FITM2: variants seen among roughly 807,000 people sequenced by gnomAD.
FITM2 encodes the protein fat storage inducing transmembrane protein 2.
A neutral mutation model predicts 23.3 loss-of-function variants in FITM2; 16 were observed. That is an observed-to-expected ratio of 0.69 (90% CI 0.47 to 1.05). The LOEUF (loss-of-function observed/expected upper bound fraction) is 1.05, where lower values mean the gene tolerates loss of function less well. Ranked by LOEUF, FITM2 falls within the 50% of genes least tolerant of loss-of-function variation. FITM2 has a pLI of 0.00. For missense variants in FITM2, 273 were observed against 327.5 expected (o/e 0.83, Z 1.29); for synonymous variants, 132 against 142.0 (o/e 0.93, Z 0.50).
At chr20:44,308,317 A>G (rs1428780771) in intron 1 of FITM2, among the ~76,000 whole-genome samples, 1 of 152,192 alleles carries the variant, frequency 6.6e-6, no homozygotes, top group Non-Finnish European at 1.5e-5. Context: ...ACCAAATGCC[A>G]GGAGCTTTCA....
At chr20:44,309,400 GA>G (rs1435574937) in intron 1 of FITM2, among the ~76,000 whole-genome samples, 1 of 152,066 alleles carries the variant, frequency 6.6e-6, no homozygotes, top group African/African-American at 2.4e-5. Context: ...GGCTGGTCTT[GA>G]ACTCCTGACC....
At chr20:44,307,414 CTTTATTTATTTA>C (rs574367544) in intron 1 of FITM2, among the ~76,000 whole-genome samples, 174 bp from the exon 2 acceptor site, 22 of 151,882 alleles carry the variant, frequency 1.4e-4, no homozygotes, top group African/African-American at 5.3e-4. Context: ...TTACTAAGTA[CTTTATTTATTTA>C]TTTATTTATT....
In FITM2 at chr20:44,311,068, G is replaced by C. The variant is rs753762137; in HGVS notation, c.81C>G (p.Ala27=). ...AGCCCGCCAGCATGGAGGCCACCAG[G>C]GCCCAGGGCAGGTAGCGCCGCACGG... ...RAAVRRYLPW[A]LVASMLAGSL... The change falls in exon 1 of 2, where the codon GCC becomes GCG. Residue 27 remains alanine (A), a synonymous_variant. Transcript: ENST00000396825. The C allele has an allele frequency of 1.9e-6, 3 of 1,611,634 alleles. No individual in the cohort carries two copies. The highest frequency in any genetic ancestry group is 4.5e-5 in the East Asian group (2 of 44,698).
At position 44,304,579 on chromosome 20, in the gene FITM2, G is replaced by A. The variant is rs1223646767; in HGVS notation, c.*2046C>T. On this transcript the variant is annotated 3_prime_UTR_variant, in exon 2 of 2. Coordinates refer to ENST00000396825, the MANE Select transcript of FITM2 (RefSeq NM_001080472.4). Reference sequence around the variant, plus strand: ...GTTTGGTTGGTGATGCAAGTAACAGGAGGGAGGGACCACAGCCATGCCACC... The same window carrying A: ...GTTTGGTTGGTGATGCAAGTAACAGAAGGGAGGGACCACAGCCATGCCACC... The A allele has an allele frequency of 6.6e-6, 1 of 152,226 alleles. No individual in the cohort carries two copies. The highest frequency in any genetic ancestry group is 1.5e-5 in the Non-Finnish European group (1 of 68,056). The allele number at this position is 152,226 out of a possible 1,614,324, so 9.4% of individuals were successfully genotyped here.
Position 44,306,897 on chromosome 20 carries a change from G to A in FITM2, c.517C>T (p.Leu173=). ...ALMIVEEMSV[L]HEVKTDRSHC... Reference sequence around the variant, plus strand: ...CTTCGGTCCGTCTTCACCTCATGCAGCACAGACATCTCTTCTACAATCATG... The same window carrying A: ...CTTCGGTCCGTCTTCACCTCATGCAACACAGACATCTCTTCTACAATCATG... The change falls in exon 2 of 2, where the codon CTG becomes TTG. Residue 173 remains leucine (L), a synonymous_variant. Coordinates refer to ENST00000396825, the MANE Select transcript of FITM2 (RefSeq NM_001080472.4). The A allele has an allele frequency of 6.2e-7, 1 of 1,614,196 alleles. No homozygotes were observed. Among genetic ancestry groups the A allele is most frequent in the Non-Finnish European group, 8.5e-7 (1 of 1,180,046 alleles).
At chr20:44,307,363 A>C (rs2146090357) in intron 1 of FITM2, 123 bp from the exon 2 acceptor site, 1,256 of 1,135,502 alleles carry the variant, frequency 1.1e-3, no homozygotes, top group Non-Finnish European at 1.4e-3. Flanking sequence ...GCTACAGCTC[A>C]TAGCAACTAT....
rs147674068 is a variant in FITM2 at position 44,306,134 on chromosome 20, G to A, written c.*491C>T. On this transcript the variant is annotated 3_prime_UTR_variant, in exon 2 of 2. Transcript: ENST00000396825. Reference sequence around the variant, plus strand: ...TCGAACTCCCAATCTCAGGTGATCCGCCTGCCTCGGCCTCCCAAAGTGCAG... The same window carrying A: ...TCGAACTCCCAATCTCAGGTGATCCACCTGCCTCGGCCTCCCAAAGTGCAG... The A allele has an allele frequency of 0.014, 2,273 of 160,470 alleles. 38 individuals carry two copies. The highest frequency in any genetic ancestry group is 0.041 in the East Asian group (226 of 5,546). 9.9% of individuals were successfully genotyped at this position (160,470 alleles called of 1,614,324 possible).
At chr20:44,308,381 A>G (rs2062696384) in intron 1 of FITM2, among the ~76,000 whole-genome samples, 1 of 152,162 alleles carries the variant, frequency 6.6e-6, no homozygotes, top group African/African-American at 2.4e-5. Context: ...GGAAGGTGCC[A>G]TTGTTCCATT....
chr20:44,308,582 C>T (rs1048879172), intron 1 of FITM2, among the ~76,000 whole-genome samples: 2 of 152,194 alleles, frequency 1.3e-5, no homozygotes, highest in African/African-American at 4.8e-5. Flanking sequence ...GTCCCCCAGG[C>T]TTGCGTGCAG....
At chr20:44,308,004 A>G (rs531769609) in intron 1 of FITM2, among the ~76,000 whole-genome samples, 42 of 151,832 alleles carry the variant, frequency 2.8e-4, no homozygotes, top group Non-Finnish European at 5.3e-4. Flanking sequence ...GGAGAATGGC[A>G]TGAACCCGGG....
In FITM2 at chr20:44,306,401, C is replaced by A; in HGVS notation, c.*224G>T. 1 of 508,446 alleles carries A rather than the reference C, an allele frequency of 2.0e-6. No individual in the cohort carries two copies. The highest frequency in any genetic ancestry group is 3.5e-6 in the Non-Finnish European group (1 of 289,516). The allele number at this position is 508,446 out of a possible 1,614,324, so 31.5% of individuals were successfully genotyped here. On this transcript the variant is annotated 3_prime_UTR_variant, in exon 2 of 2. Transcript: ENST00000396825. Reference sequence around the variant, plus strand: ...GATAAAGGTCAAGTCTTACCAGGGACAAAAAGTGCCTAACTGGGAATGGTG... The same window carrying A: ...GATAAAGGTCAAGTCTTACCAGGGAAAAAAAGTGCCTAACTGGGAATGGTG...
At position 44,303,630 on chromosome 20, in the gene FITM2, CT is replaced by C. The variant is rs199814618; in HGVS notation, c.*2994del. 3,401 of 142,862 alleles carry C rather than the reference CT, an allele frequency of 0.024. 67 individuals are homozygous for C. Among genetic ancestry groups the C allele is most frequent in the African/African-American group, 0.055 (2,153 of 39,200 alleles). The allele number at this position is 142,862 out of a possible 1,614,324, so 8.8% of individuals were successfully genotyped here. A position where few individuals can be genotyped will look rare whatever the true frequency, so the allele number is the denominator to read the frequency against. ...TGCTGAACATGACACTTTGGAGAGCCTTTTTTTTTTTTGAGACAGAGTCTCA... is the reference window on the plus strand; with the variant it reads ...TGCTGAACATGACACTTTGGAGAGCCTTTTTTTTTTTGAGACAGAGTCTCA... On this transcript the variant is annotated 3_prime_UTR_variant, in exon 2 of 2. Transcript: ENST00000396825.
chr20:44,306,942 G>A lies in FITM2; in HGVS notation c.472C>T (p.Leu158=), dbSNP rs765314173. 7 of 1,614,100 alleles carry A rather than the reference G, an allele frequency of 4.3e-6. No individual in the cohort carries two copies. The highest frequency in any genetic ancestry group is 5.9e-6 in the Non-Finnish European group (7 of 1,180,050). Residue 158 remains leucine (L), a synonymous_variant, in exon 2 of 2, where the codon CTG becomes TTG. Transcript: ENST00000396825. ...ATCATGAGGGCGCAGAAGGTCAGCA[G>A]GAAGGAGTGACCTGAGATGTCAAAG... ...HGFDISGHSF[L]LTFCALMIVE...
At chr20:44,310,834 C>A in intron 1 of FITM2, 142 bp downstream of exon 1, 1 of 1,191,860 alleles carries the variant, frequency 8.4e-7, no homozygotes, top group Non-Finnish European at 1.2e-6. Flanking sequence ...GCGTGACACG[C>A]GTGCAGATGC....
In FITM2 at chr20:44,306,932, A is replaced by T; in HGVS notation, c.482T>A (p.Phe161Tyr). The part of the protein sequence containing the change: ...DISGHSFLLT[F>Y]CALMIVEEMS... ...CTCTTCTACAATCATGAGGGCGCAGAAGGTCAGCAGGAAGGAGTGACCTGA... is the reference window on the plus strand; with the variant it reads ...CTCTTCTACAATCATGAGGGCGCAGTAGGTCAGCAGGAAGGAGTGACCTGA... The change falls in exon 2 of 2, where the codon TTC (phenylalanine) becomes TAC (tyrosine). Residue 161 changes from phenylalanine to tyrosine, a missense_variant. By Grantham distance (22) the Phe-to-Tyr change is conservative. Around this residue, in one of 3 missense-constraint regions of FITM2, gnomAD observed 117 missense variants for 183.3 expected, o/e 0.64. Transcript: ENST00000396825. 1 of 1,614,206 alleles carries T rather than the reference A, an allele frequency of 6.2e-7. No individual in the cohort carries two copies. The highest frequency in any genetic ancestry group is 8.5e-7 in the Non-Finnish European group (1 of 1,180,036).
chr20:44,308,655 C>A (rs992226561), intron 1 of FITM2, among the ~76,000 whole-genome samples: 3 of 152,186 alleles, frequency 2.0e-5, no homozygotes, highest in Admixed American at 6.5e-5. Flanking sequence ...CCTGCCTCAG[C>A]CTCACAAATA....
rs1350578676 is a variant in FITM2, at chr20:44,307,210, C to T, written c.204G>A (p.Thr68=). Residue 68 remains threonine, a synonymous_variant, in exon 2 of 2, where the codon ACG becomes ACA. Coordinates refer to ENST00000396825, the MANE Select transcript of FITM2 (RefSeq NM_001080472.4). ...VYFVKVAWAW[T]FCLLLPFIAL... ...CAATGAAAGGCAGAAGGAGACAGAA[C>T]GTCCAGGCCCAGGCCACTTTGACAA... is the stretch of plus-strand genomic sequence containing the variant. 6 of 1,614,108 alleles carry T rather than the reference C, an allele frequency of 3.7e-6. No individual in the cohort carries two copies. The highest frequency in any genetic ancestry group is 5.1e-6 in the Non-Finnish European group (6 of 1,180,012).
Position 44,306,883 on chromosome 20 carries a change from C to T in FITM2, c.531G>A (p.Lys177=), listed in dbSNP as rs778641354. ...TGTGGAGGCAGTGGCTTCGGTCCGT[C>T]TTCACCTCATGCAGCACAGACATCT... The part of the protein sequence containing the change: ...VEEMSVLHEV[K]TDRSHCLHTA... Residue 177 remains lysine (K), a synonymous_variant, in exon 2 of 2, where the codon AAG becomes AAA. Transcript: ENST00000396825. 2 of 1,614,180 alleles carry T rather than the reference C, an allele frequency of 1.2e-6. No individual in the cohort carries two copies. The highest frequency in any genetic ancestry group is 8.5e-7 in the Non-Finnish European group (1 of 1,180,026).
In FITM2 at chr20:44,306,683, G is replaced by A. The variant is rs369188569; in HGVS notation, c.731C>T (p.Pro244Leu). The change falls in exon 2 of 2, where the codon CCA becomes CTA. Residue 244 changes from proline (P) to leucine (L), a missense_variant. By Grantham distance (98) the Pro-to-Leu change is moderately conservative (BLOSUM62 -3). Around this residue, in one of 3 missense-constraint regions of FITM2, gnomAD observed 33 missense variants for 26.3 expected, o/e 1.25. Transcript: ENST00000396825. ...YGFWYPKAFS[P>L]GLPPQSCSLN... ...ACTACAGCTCTGGGGAGGAAGTCCT[G>A]GGGAAAAGGCTTTCGGATACCAAAA... 8 of 1,613,954 alleles carry A rather than the reference G, an allele frequency of 5.0e-6. No individual in the cohort carries two copies. The highest frequency in any genetic ancestry group is 6.8e-6 in the Non-Finnish European group (8 of 1,180,052).
Sources: allele counts gnomAD v4.1 joint callset (sites outside exome capture counted in the v4.1 genomes callset), GRCh38; gene constraint gnomAD v4.1.1; regional missense constraint gnomAD v4.1.1; transcripts MANE v1.5; gene names NCBI Gene and HGNC (gene_info 2026-07-23, HGNC 2026-07-21).